The following ERAP1 variants were observed in gnomAD, a reference collection of about 807,000 sequenced individuals.
The protein encoded by ERAP1 is adipocyte-derived leucine aminopeptidase.
A neutral mutation model predicts 103.7 loss-of-function variants in ERAP1; 86 were observed. The ratio of observed to expected loss-of-function variants is 0.83; its 90% CI spans 0.70 to 0.99. The LOEUF (loss-of-function observed/expected upper bound fraction) is 0.99, where lower values mean the gene tolerates loss of function less well. ERAP1 is among the 50% of genes least tolerant of loss of function. The pLI, the probability that ERAP1 is intolerant of heterozygous loss-of-function variation, is 0.00. For synonymous variants in ERAP1, 398 were observed against 402.4 expected, an observed-to-expected ratio of 0.99 and a Z score of 0.13; for missense variants, 1,009 against 1,128.4, an observed-to-expected ratio of 0.89 and a Z score of 1.52.
At chr5:96,831,903 TAC>T in the ERAP1 span, among the ~76,000 whole-genome samples, 1 of 152,244 alleles carries the variant, frequency 6.6e-6, no homozygotes, top group African/African-American at 2.4e-5. Context: ...TAACTTTGAA[TAC>T]AGTCAGAGAT....
At chr5:96,798,931 A>G (rs1249651429) in intron 3 of ERAP1, among the ~76,000 whole-genome samples, 1 of 144,102 alleles carries the variant, frequency 6.9e-6, no homozygotes, top group Non-Finnish European at 1.5e-5. Context: ...GCAATGGCAC[A>G]ATCTTGACTC....
chr5:96,893,244 C>T, the ERAP1 span, among the ~76,000 whole-genome samples: 3 of 152,150 alleles, frequency 2.0e-5, no homozygotes, highest in African/African-American at 7.2e-5. Context: ...CTCAGTAATG[C>T]AGTAAATTAT....
chr5:96,780,364 A>G, intron 18 of ERAP1, 59 bp downstream of exon 18: 2 of 1,254,784 alleles, frequency 1.6e-6, no homozygotes, highest in Non-Finnish European at 2.2e-6. Flanking sequence ...TCTACCCCAT[A>G]TTAATTAGCT....
the ERAP1 span, among the ~76,000 whole-genome samples, chr5:96,852,132 C>G: frequency 2.0e-5 from 3 of 152,224 alleles, no homozygotes; most frequent in Non-Finnish European, 4.4e-5. Context: ...ACTTGATTCA[C>G]TTCTAAACAC....
At chr5:96,930,568 AC>A in the ERAP1 span, among the ~76,000 whole-genome samples, 1 of 152,158 alleles carries the variant, frequency 6.6e-6, no homozygotes, top group South Asian at 2.1e-4. Context: ...TGGCCACCCT[AC>A]AGGCTGCAAC....
chr5:96,775,963 C>CT lies in ERAP1; in HGVS notation c.*432dup. 9.4e-7 allele frequency: 1 copy of CT among 1,061,530 alleles called. No homozygotes were observed. The highest frequency in any genetic ancestry group is 2.9e-5 in the South Asian group (1 of 34,920). The allele number at this position is 1,061,530 out of a possible 1,614,324, so 65.8% of individuals were successfully genotyped here. On this transcript the variant is annotated 3_prime_UTR_variant, in exon 19 of 19. Coordinates refer to ENST00000443439, the MANE Select transcript of ERAP1 (RefSeq NM_001040458.3). ...GGTCTGGAGGGGTGAGCCGGGAGAG[C>CT]TTTAACCCAGTCATCGTCCGGCTTA...
chr5:96,916,048 C>A, the ERAP1 span, among the ~76,000 whole-genome samples: 1 of 151,996 alleles, frequency 6.6e-6, no homozygotes, highest in Non-Finnish European at 1.5e-5. Context: ...TGGTGAAACC[C>A]TGTCTCTAAT....
chr5:96,789,543 A>T (rs1024537108), intron 10 of ERAP1, among the ~76,000 whole-genome samples: 4 of 152,192 alleles, frequency 2.6e-5, no homozygotes, highest in African/African-American at 9.7e-5. Context: ...TCTAGAAACT[A>T]CTGAATAAAG....
intron 18 of ERAP1, chr5:96,779,287 T>C (rs553046000): frequency 6.6e-6 from 1 of 152,350 alleles, no homozygotes; most frequent in African/African-American, 2.4e-5. Context: ...TTAATGAGAA[T>C]ACAAGTGAAT....
rs34765952 is a variant in ERAP1 at position 96,780,408 on chromosome 5, A to ATT, written c.2670+13_2670+14dup. The ATT allele has an allele frequency of 1.1e-3, 1,550 of 1,384,586 alleles. No homozygotes were observed. The highest frequency in any genetic ancestry group is 2.5e-3 in the South Asian group (185 of 73,466). 85.8% of individuals were successfully genotyped at this position (1,384,586 alleles called of 1,614,324 possible). A position where few individuals can be genotyped will look rare whatever the true frequency, so the allele number is the denominator to read the frequency against. On this transcript the variant is annotated intron_variant, in intron 18 of 18. Coordinates refer to ENST00000443439, the MANE Select transcript of ERAP1 (RefSeq NM_001040458.3). Reference sequence around the variant, plus strand: ...TTTATGTTTAAAAATATATATATAGATTTTTTTTTTTTACCTCTTCAAGCC... The same window carrying ATT: ...TTTATGTTTAAAAATATATATATAGATTTTTTTTTTTTTTACCTCTTCAAGCC...
chr5:96,864,350 G>A, the ERAP1 span, among the ~76,000 whole-genome samples: 742 of 152,280 alleles, frequency 4.9e-3, 2 homozygotes, highest in Non-Finnish European at 7.8e-3. Context: ...TTTTCCCTTA[G>A]AGAGGCCAAC....
At chr5:96,877,516 A>G in the ERAP1 span, among the ~76,000 whole-genome samples, 1 of 152,250 alleles carries the variant, frequency 6.6e-6, no homozygotes, top group Admixed American at 6.5e-5. Flanking sequence ...TATATGCTCC[A>G]TGCTGTGCTG....
chr5:96,781,469 T>C (rs1775160219), intron 16 of ERAP1, among the ~76,000 whole-genome samples: 1 of 152,184 alleles, frequency 6.6e-6, no homozygotes, highest in Admixed American at 6.5e-5. Flanking sequence ...ATTTTTAATA[T>C]GTTGTCATTT....
the ERAP1 span, among the ~76,000 whole-genome samples, chr5:96,844,344 T>A: frequency 6.6e-6 from 1 of 152,160 alleles, no homozygotes. Context: ...TTCCTGCATT[T>A]CCCAGGGCTG....
At chr5:96,891,529 TA>T in the ERAP1 span, among the ~76,000 whole-genome samples, 2 of 41,984 alleles carry the variant, frequency 4.8e-5, no homozygotes, top group Admixed American at 2.7e-4. Flanking sequence ...CCATATACGG[TA>T]TATATACACA....
At position 96,792,194 on chromosome 5, in the gene ERAP1, T is replaced by C. The variant is rs757152144; in HGVS notation, c.1189-2A>G. ...ACATTTGCCAAAGAAATAATCTCCC[T>C]ATTGAGATAGAAAAAAGAAAACATC... On this transcript the variant is annotated splice_acceptor_variant, in intron 7 of 18. Coordinates refer to ENST00000443439, the MANE Select transcript of ERAP1 (RefSeq NM_001040458.3). LOFTEE classifies it high-confidence loss of function. 1.9e-6 allele frequency: 3 copies of C among 1,613,072 alleles called. No homozygotes were observed. In the African/African-American group the frequency reaches 4.0e-5, roughly 22 times the overall value.
At chr5:96,883,496 C>A in the ERAP1 span, among the ~76,000 whole-genome samples, 1 of 152,164 alleles carries the variant, frequency 6.6e-6, no homozygotes, top group South Asian at 2.1e-4. Flanking sequence ...TTACTGGCTG[C>A]GGATCCTGCT....
the ERAP1 span, chr5:96,883,934 T>G: frequency 6.4e-7 from 1 of 1,569,014 alleles, no homozygotes; most frequent in Non-Finnish European, 8.6e-7. Flanking sequence ...GCCAAAGGTA[T>G]GTCCACTTCC....
chr5:96,868,043 C>G, the ERAP1 span, among the ~76,000 whole-genome samples: 1 of 152,088 alleles, frequency 6.6e-6, no homozygotes, highest in African/African-American at 2.4e-5. Flanking sequence ...CCACTGCACT[C>G]CAGCCTGGGT....
Sources: gnomAD v4.1 joint callset for allele counts (sites outside exome capture counted in the v4.1 genomes callset) on GRCh38, gnomAD v4.1.1 for gene constraint, MANE v1.5 for transcripts, NCBI Gene and HGNC (gene_info 2026-07-23, HGNC 2026-07-21) for gene names.